The following MAD1L1 variants were observed in gnomAD, a reference collection of about 807,000 sequenced individuals.
MAD1L1 encodes mitotic arrest deficient 1 like 1, also known as mitotic spindle assembly checkpoint protein MAD1.
In MAD1L1, 95 loss-of-function variants were observed where a neutral mutation model predicts 96.9. The observed-to-expected ratio is 0.98, with a 90% CI of 0.83 to 1.16. The LOEUF (loss-of-function observed/expected upper bound fraction) is 1.16. Ranked by LOEUF, MAD1L1 falls within the 50% of genes most tolerant of loss-of-function variation. The probability of loss-of-function intolerance (pLI) is 0.00; values close to 1 mark genes in which losing one functional copy is unlikely to be tolerated. For synonymous variants in MAD1L1, 473 were observed against 396.6 expected (o/e 1.19, Z -2.29); for missense variants, 1,007 against 954.4 (o/e 1.06, Z -0.73).
At chr7:2,195,316 T>C (rs1170447514) in intron 10 of MAD1L1, among the ~76,000 whole-genome samples, 1 of 152,248 alleles carries the variant, frequency 6.6e-6, no homozygotes, top group African/African-American at 2.4e-5. Flanking sequence ...AAGTGAGCTT[T>C]GATTTAAAGG....
intron 3 of MAD1L1, 100 bp from the exon 4 acceptor site, chr7:2,225,650 C>T (rs1042146452): frequency 7.7e-7 from 1 of 1,298,212 alleles, no homozygotes; most frequent in African/African-American, 1.5e-5. Context: ...GGACCCATTC[C>T]CGCAGGTCCC....
At chr7:2,161,107 C>CTCCCCCTCCCCCTCCCTCTCCCCT (rs1349488612) in intron 10 of MAD1L1, among the ~76,000 whole-genome samples, 1 of 4,696 alleles carries the variant, frequency 2.1e-4, no homozygotes, top group Non-Finnish European at 5.1e-4. Context: ...AATGGAGCCC[C>CTCCCCCTCCCCCTCCCTCTCCCCT]TGCCCCTCCC....
chr7:1,930,579 C>T (rs1335071191), intron 17 of MAD1L1, among the ~76,000 whole-genome samples: 1 of 135,492 alleles, frequency 7.4e-6, no homozygotes. Context: ...CTCACCGCTG[C>T]GTCCCCTCGC....
At chr7:2,095,527 G>A (rs897053591) in intron 11 of MAD1L1, among the ~76,000 whole-genome samples, 6 of 152,226 alleles carry the variant, frequency 3.9e-5, no homozygotes, top group Non-Finnish European at 8.8e-5. Context: ...TGCTGAAGCC[G>A]CGGTCGCTGT....
chr7:1,853,093 G>A (rs1428672421), intron 18 of MAD1L1, among the ~76,000 whole-genome samples: 2 of 152,156 alleles, frequency 1.3e-5, no homozygotes, highest in Non-Finnish European at 2.9e-5. Flanking sequence ...GAGCCCGGGA[G>A]AGCCAGGGAG....
intron 11 of MAD1L1, among the ~76,000 whole-genome samples, chr7:2,096,983 G>A (rs1786526723): frequency 6.6e-6 from 1 of 152,168 alleles, no homozygotes; most frequent in South Asian, 2.1e-4. Context: ...CGCACCCGGG[G>A]ACCCTGCCAG....
At chr7:1,841,097 G>C (rs1394011783) in intron 18 of MAD1L1, among the ~76,000 whole-genome samples, 1 of 152,212 alleles carries the variant, frequency 6.6e-6, no homozygotes, top group Non-Finnish European at 1.5e-5. Context: ...TGGGGGGCAG[G>C]TGCGGCTCTG....
chr7:2,166,615 TC>T (rs1790441179), intron 10 of MAD1L1, among the ~76,000 whole-genome samples: 1 of 147,676 alleles, frequency 6.8e-6, no homozygotes, highest in African/African-American at 2.4e-5. Flanking sequence ...AAACACAACT[TC>T]GGCAAGAAGC....
At position 2,179,655 on chromosome 7, in the gene MAD1L1, T is replaced by A. The variant is rs147831285; in HGVS notation, c.987-30417A>T. On this transcript the variant is annotated intron_variant, in intron 10 of 18. Coordinates refer to ENST00000265854, the MANE Select transcript of MAD1L1 (RefSeq NM_001013836.2). Reference sequence around the variant, plus strand: ...TACTTGACCCATCTGGGTCACTTACTACCTTAAGATCCCAATTAAAAGTCC... The same window carrying A: ...TACTTGACCCATCTGGGTCACTTACAACCTTAAGATCCCAATTAAAAGTCC... Among the ~76,000 whole-genome samples, 197 of 152,006 alleles carry A rather than the reference T, an allele frequency of 1.3e-3. 1 individual carries two copies. Among genetic ancestry groups the A allele is most frequent in the African/African-American group, 4.4e-3 (184 of 41,478 alleles).
chr7:1,824,983 C>A (rs1782316586), intron 18 of MAD1L1, among the ~76,000 whole-genome samples: 1 of 143,686 alleles, frequency 7.0e-6, no homozygotes, highest in South Asian at 2.2e-4. Context: ...CCCACACTCA[C>A]AGAGTGCAAA....
At chr7:1,972,185 C>T (rs999245399) in intron 15 of MAD1L1, among the ~76,000 whole-genome samples, 1 of 152,232 alleles carries the variant, frequency 6.6e-6, no homozygotes, top group African/African-American at 2.4e-5. Flanking sequence ...CAGGCCTGTC[C>T]TGACACCGGA....
chr7:2,085,568 T>C (rs1026072891), intron 11 of MAD1L1, among the ~76,000 whole-genome samples: 3 of 152,232 alleles, frequency 2.0e-5, no homozygotes, highest in Non-Finnish European at 2.9e-5. Flanking sequence ...TTCATATTAA[T>C]GTCATCATAC....
chr7:2,222,753 C>G lies in MAD1L1; in HGVS notation c.293G>C (p.Arg98Pro). The change falls in exon 5 of 19, where the codon CGT becomes CCT. Residue 98 changes from arginine to proline, a missense_variant and splice_region_variant. Transcript: ENST00000265854. ...AASTSARNYE[R>P]EVDRNQELLT... is the part of the protein sequence containing the mutation. ...GAGCTCCTGGTTGCGGTCGACCTCA[C>G]GCTGTTAAGAGAGCAAGAGTCAGAT... 1 of 1,596,054 alleles carries G rather than the reference C, an allele frequency of 6.3e-7. No homozygotes were observed.
intron 10 of MAD1L1, among the ~76,000 whole-genome samples, chr7:2,204,372 A>G (rs1792479780): frequency 6.6e-6 from 1 of 152,150 alleles, no homozygotes; most frequent in African/African-American, 2.4e-5. Context: ...GTTTGACAAG[A>G]GCAGTGTCAT....
intron 12 of MAD1L1, among the ~76,000 whole-genome samples, chr7:2,050,183 G>C (rs56315739): frequency 2.6e-3 from 161 of 62,412 alleles, no homozygotes; most frequent in African/African-American, 0.012. Context: ...ACCTCACCCA[G>C]CGTCTGCGGG....
chr7:1,854,807 A>C (rs1784161497), intron 18 of MAD1L1, among the ~76,000 whole-genome samples: 1 of 152,196 alleles, frequency 6.6e-6, no homozygotes, highest in Non-Finnish European at 1.5e-5. Flanking sequence ...TACGGGGGAG[A>C]CAAAGGCAGG....
At chr7:1,987,146 C>A (rs967365691) in intron 14 of MAD1L1, among the ~76,000 whole-genome samples, 1 of 152,232 alleles carries the variant, frequency 6.6e-6, no homozygotes, top group African/African-American at 2.4e-5. Flanking sequence ...CCTCACCCCT[C>A]CCCTGCCAGC....
chr7:2,017,289 G>A (rs4721309), intron 12 of MAD1L1, among the ~76,000 whole-genome samples: 122,996 of 152,226 alleles, frequency 0.81, 52,388 homozygotes, highest in Non-Finnish European at 0.95. Context: ...TGACGGGGGC[G>A]TCCCAGACTC....
At chr7:2,098,424 G>C (rs1000465885) in intron 11 of MAD1L1, among the ~76,000 whole-genome samples, 1 of 152,198 alleles carries the variant, frequency 6.6e-6, no homozygotes, top group South Asian at 2.1e-4. Flanking sequence ...AAGTGGGCAA[G>C]AGTCCCTCCC....
Sources: allele counts gnomAD v4.1 joint callset (sites outside exome capture counted in the v4.1 genomes callset), GRCh38; gene constraint gnomAD v4.1.1; transcripts MANE v1.5; gene names NCBI Gene and HGNC (gene_info 2026-07-23, HGNC 2026-07-21).